The following CHRM3 variants were observed in gnomAD, a reference collection of about 807,000 sequenced individuals.
The protein encoded by CHRM3 is muscarinic acetylcholine receptor M3.
CHRM3 carries 11 observed loss-of-function variants against 41.8 expected under a neutral mutation model. That is an observed-to-expected ratio of 0.26 (90% CI 0.17 to 0.44). The LOEUF is 0.44. CHRM3 is among the 20% of genes least tolerant of loss of function. The pLI, the probability that CHRM3 is intolerant of heterozygous loss-of-function variation, is 1.00. For synonymous variants in CHRM3, 297 were observed against 301.4 expected (o/e 0.99, Z 0.15); for missense variants, 571 against 745.4 (o/e 0.77, Z 2.72).
intron 1 of CHRM3, among the ~76,000 whole-genome samples, chr1:239,404,404 GAA>G (rs1558195617): frequency 0.043 from 2,503 of 57,786 alleles, 111 homozygotes; most frequent in Admixed American, 0.087. Context: ...AAGAAAGAAA[GAA>G]AGAAAAAGAA....
At chr1:239,666,643 GC>G (rs1388613051) in intron 4 of CHRM3, among the ~76,000 whole-genome samples, 1 of 151,932 alleles carries the variant, frequency 6.6e-6, no homozygotes, top group Non-Finnish European at 1.5e-5. Flanking sequence ...TGAGCTCTCT[GC>G]CCCTCCCATT....
intron 3 of CHRM3, among the ~76,000 whole-genome samples, chr1:239,562,738 A>C (rs1660988100): frequency 6.6e-6 from 1 of 152,102 alleles, no homozygotes; most frequent in South Asian, 2.1e-4. Context: ...AAATACAAAA[A>C]TTAGCTGGGC....
chr1:239,656,846 T>C lies in CHRM3; in HGVS notation c.-249-21340T>C, dbSNP rs541528374. Among the ~76,000 whole-genome samples, 146 of 152,308 alleles carry C rather than the reference T, an allele frequency of 9.6e-4. 2 individuals are homozygous for C. The Middle Eastern group carries it at 0.017, about 18-fold the overall frequency. ...TTCTTTGTTTTATTTCCAAAAGATA[T>C]ATTCCTTGAAATATGTTGGTGATTG... On this transcript the variant is annotated intron_variant, in intron 4 of 6. Coordinates refer to ENST00000676153, the MANE Select transcript of CHRM3 (RefSeq NM_001375978.1).
At chr1:239,610,882 T>A (rs1666941371) in intron 3 of CHRM3, among the ~76,000 whole-genome samples, 1 of 152,036 alleles carries the variant, frequency 6.6e-6, no homozygotes, top group African/African-American at 2.4e-5. Context: ...TGAAACCCCG[T>A]CTCTACTAAA....
chr1:239,796,957 TA>T (rs1398458944), intron 5 of CHRM3, among the ~76,000 whole-genome samples: 1 of 152,156 alleles, frequency 6.6e-6, no homozygotes, highest in Non-Finnish European at 1.5e-5. Context: ...ACTCTATGAC[TA>T]TTGCCTTTCA....
At chr1:239,729,294 A>G (rs960098910) in intron 5 of CHRM3, among the ~76,000 whole-genome samples, 1 of 151,920 alleles carries the variant, frequency 6.6e-6, no homozygotes. Flanking sequence ...TGATGTACAC[A>G]TAAATGTCTG....
intron 6 of CHRM3, among the ~76,000 whole-genome samples, chr1:239,872,493 C>G (rs1389970563): frequency 6.6e-6 from 1 of 152,110 alleles, no homozygotes; most frequent in African/African-American, 2.4e-5. Context: ...TGGGACGGCC[C>G]CAACCCGAAA....
chr1:239,455,112 C>T (rs188299323), intron 1 of CHRM3, among the ~76,000 whole-genome samples: 2 of 152,156 alleles, frequency 1.3e-5, no homozygotes, highest in East Asian at 1.9e-4. Flanking sequence ...AGCACAATGG[C>T]GTGATCTCGG....
chr1:239,557,149 A>C (rs1265818901), intron 3 of CHRM3, among the ~76,000 whole-genome samples: 1 of 152,026 alleles, frequency 6.6e-6, no homozygotes, highest in South Asian at 2.1e-4. Context: ...GAAGTTGATC[A>C]AGGCAACGTG....
intron 3 of CHRM3, among the ~76,000 whole-genome samples, chr1:239,566,711 T>C (rs1390117880): frequency 6.6e-6 from 1 of 152,212 alleles, no homozygotes. Flanking sequence ...TTGAGGCATA[T>C]TCTTTGACTC....
intron 3 of CHRM3, among the ~76,000 whole-genome samples, chr1:239,603,385 A>AT (rs1328735041): frequency 6.6e-6 from 1 of 152,176 alleles, no homozygotes; most frequent in African/African-American, 2.4e-5. Context: ...AACAGGTGCT[A>AT]TCACCAATAC....
chr1:239,604,644 A>G (rs1020790451), intron 3 of CHRM3, among the ~76,000 whole-genome samples: 11 of 152,308 alleles, frequency 7.2e-5, no homozygotes, highest in African/African-American at 1.4e-4. Context: ...GGCTGGCATC[A>G]TTTTCTGTGG....
At chr1:239,479,946 A>T (rs1368186724) in intron 1 of CHRM3, among the ~76,000 whole-genome samples, 2 of 152,164 alleles carry the variant, frequency 1.3e-5, no homozygotes, top group African/African-American at 2.4e-5. Context: ...AATTTATTTT[A>T]AAAATAAAGT....
At chr1:239,756,363 C>T (rs1289577276) in intron 5 of CHRM3, among the ~76,000 whole-genome samples, 2 of 152,170 alleles carry the variant, frequency 1.3e-5, no homozygotes, top group Admixed American at 6.5e-5. Flanking sequence ...CAAAATGAAA[C>T]ATATCTGTTC....
chr1:239,423,595 C>G (rs2103114520), intron 1 of CHRM3, among the ~76,000 whole-genome samples: 1 of 152,100 alleles, frequency 6.6e-6, no homozygotes, highest in Middle Eastern at 3.4e-3. Flanking sequence ...AATTTTATTG[C>G]AAAACCATGT....
Position 239,908,077 on chromosome 1 carries a change from A to G in CHRM3, c.626A>G (p.Tyr209Cys). The change falls in exon 7 of 7, where the codon TAC (tyrosine) becomes TGC (cysteine). Residue 209 changes from tyrosine (Y) to cysteine (C), a missense_variant. Coordinates refer to ENST00000676153, the MANE Select transcript of CHRM3 (RefSeq NM_001375978.1). The surrounding 1 kb of genome is among the most constrained non-coding windows in gnomAD (Gnocchi z 7.2). Reference sequence around the variant, plus strand: ...GCTCCTGCCATCTTGTTCTGGCAATACTTTGTTGGAAAGAGAACTGTGCCT... The same window carrying G: ...GCTCCTGCCATCTTGTTCTGGCAATGCTTTGTTGGAAAGAGAACTGTGCCT... Reference protein sequence around the residue: ...LWAPAILFWQYFVGKRTVPPG... With the variant: ...LWAPAILFWQCFVGKRTVPPG... 6.2e-7 allele frequency: 1 copy of G among 1,614,058 alleles called. No individual in the cohort carries two copies. The highest frequency in any genetic ancestry group is 8.5e-7 in the Non-Finnish European group (1 of 1,180,016).
At chr1:239,766,670 GATATATAGATATAGATAT>G (rs1667237016) in intron 5 of CHRM3, among the ~76,000 whole-genome samples, 2 of 106,460 alleles carry the variant, frequency 1.9e-5, no homozygotes, top group Non-Finnish European at 3.8e-5. Context: ...TATGGATATA[GATATATAGATATAGATAT>G]AGATATAGAT....
At chr1:239,459,165 A>AGCATG in intron 1 of CHRM3, among the ~76,000 whole-genome samples, 1 of 152,306 alleles carries the variant, frequency 6.6e-6, no homozygotes, top group South Asian at 2.1e-4. Flanking sequence ...CCAAAGAAGT[A>AGCATG]GCATGAAGTT....
At chr1:239,521,513 C>A (rs1669634950) in intron 2 of CHRM3, among the ~76,000 whole-genome samples, 1 of 152,204 alleles carries the variant, frequency 6.6e-6, no homozygotes, top group South Asian at 2.1e-4. Flanking sequence ...TCTATCATTA[C>A]AATGAATATA....
Sources: gnomAD v4.1 joint callset for allele counts (sites outside exome capture counted in the v4.1 genomes callset) on GRCh38, gnomAD v4.1.1 for gene constraint, Gnocchi (gnomAD v3.1) non-coding constraint, MANE v1.5 for transcripts, NCBI Gene and HGNC (gene_info 2026-07-23, HGNC 2026-07-21) for gene names.